Variants in SI observed in about 807,000 individuals in gnomAD.
The protein encoded by SI is sucrase-isomaltase.
SI carries 235 observed loss-of-function variants against 253.3 expected under a neutral mutation model. The ratio of observed to expected loss-of-function variants is 0.93; its 90% CI spans 0.83 to 1.03. SI has a LOEUF of 1.03. Among genes scored for constraint, SI ranks in the 50% least tolerant of loss-of-function variants. The pLI is 0.00. For synonymous variants in SI, 819 were observed against 712.0 expected (o/e 1.15, Z -2.39); for missense variants, 2,442 against 2,211.1 (o/e 1.10, Z -2.09).
At chr3:164,990,990 T>A (rs1368515035) in intron 44 of SI, among the ~76,000 whole-genome samples, 2 of 137,584 alleles carry the variant, frequency 1.5e-5, no homozygotes, top group African/African-American at 7.2e-5. Flanking sequence ...AAGATAATAT[T>A]TTTTTTGAAG....
At chr3:165,013,396 A>C (rs994292144) in intron 33 of SI, among the ~76,000 whole-genome samples, 5 of 152,082 alleles carry the variant, frequency 3.3e-5, no homozygotes, top group African/African-American at 1.2e-4. Flanking sequence ...TTGTAGAATT[A>C]CTCCAGGGTT....
rs1712678871 is a variant in SI, at chr3:165,039,018, A to G, written c.2301+60T>C. 11 of 1,065,042 alleles carry G rather than the reference A, an allele frequency of 1.0e-5. No individual in the cohort carries two copies. In the South Asian group the frequency reaches 1.2e-4, roughly 11 times the overall value. 66.0% of individuals were successfully genotyped at this position (1,065,042 alleles called of 1,614,324 possible). ...TAAGTTTCTATGGAATTAAGTTTCT[A>G]TGTAGAAGTGTTTGAAAATATAATA... On this transcript the variant is annotated intron_variant, in intron 20 of 47. Transcript: ENST00000264382.
chr3:165,039,454 T>G (rs926403679), intron 19 of SI, among the ~76,000 whole-genome samples: 3 of 152,108 alleles, frequency 2.0e-5, no homozygotes, highest in Non-Finnish European at 2.9e-5. Context: ...AATGGACACA[T>G]GCACCTTTTA....
intron 44 of SI, among the ~76,000 whole-genome samples, chr3:164,989,451 AG>A: frequency 6.7e-6 from 1 of 148,730 alleles, no homozygotes; most frequent in African/African-American, 2.4e-5. Context: ...GAAAGAAGAG[AG>A]GAGAGGAGAG....
At chr3:164,997,567 T>A (rs940790661) in intron 38 of SI, among the ~76,000 whole-genome samples, 1 of 151,658 alleles carries the variant, frequency 6.6e-6, no homozygotes, top group Non-Finnish European at 1.5e-5. Context: ...AGGGGTTTTG[T>A]GTACAGATTA....
intron 41 of SI, 61 bp downstream of exon 41, chr3:164,994,196 A>G: frequency 6.9e-7 from 1 of 1,449,804 alleles, no homozygotes; most frequent in South Asian, 1.1e-5. Context: ...ATAAGAGATC[A>G]TTGGGTAAAT....
Position 165,020,452 on chromosome 3 carries a change from T to C in SI, c.3255-682A>G, listed in dbSNP as rs552712360. Among the ~76,000 whole-genome samples the C allele has an allele frequency of 4.6e-5, 7 of 151,750 alleles. No homozygotes were observed. In the South Asian group the frequency reaches 1.4e-3, roughly 31 times the overall value. On this transcript the variant is annotated intron_variant, in intron 27 of 47. Coordinates refer to ENST00000264382, the MANE Select transcript of SI (RefSeq NM_001041.4). ...TTATATTTATTATTTTGGAAAACTA[T>C]TTAATCGAGAATAATGCTTGTCAAA...
At chr3:165,026,208 A>G (rs1711911165) in intron 25 of SI, among the ~76,000 whole-genome samples, 1 of 151,456 alleles carries the variant, frequency 6.6e-6, no homozygotes. Context: ...AACAAACTTT[A>G]AAGCAACAGC....
chr3:165,058,887 C>CACACACACAA, intron 12 of SI, 76 bp downstream of exon 12: 1 of 1,224,656 alleles, frequency 8.2e-7, no homozygotes. Context: ...CACACACACA[C>CACACACACAA]GCACATCCAC....
At chr3:165,078,740 C>A (rs1715162671), upstream of SI, among the ~76,000 whole-genome samples, 1 of 151,326 alleles carries the variant, frequency 6.6e-6, no homozygotes. Flanking sequence ...AAAAGTAGTT[C>A]TTTCTATTTT....
chr3:165,070,358 ATATATATGTG>A (rs1312971453), intron 3 of SI, among the ~76,000 whole-genome samples: 9 of 142,740 alleles, frequency 6.3e-5, no homozygotes, highest in Non-Finnish European at 9.1e-5. Flanking sequence ...ATATATATAT[ATATATATGTG>A]TGTGTGTGTG....
At chr3:165,027,635 G>A in intron 25 of SI, among the ~76,000 whole-genome samples, 1 of 151,446 alleles carries the variant, frequency 6.6e-6, no homozygotes, top group Non-Finnish European at 1.5e-5. Flanking sequence ...TTTCATACTA[G>A]GGATACGGGG....
rs963676493 is a variant in SI, at chr3:164,987,338, A to C, written c.5109-112T>G. On this transcript the variant is annotated intron_variant, in intron 44 of 47. Coordinates refer to ENST00000264382, the MANE Select transcript of SI (RefSeq NM_001041.4). ...GGAACCCAAGCATTAAGGAGTGTGCAAACTGACTTAGACTAAGAAAATTAA... is the reference window on the plus strand; with the variant it reads ...GGAACCCAAGCATTAAGGAGTGTGCCAACTGACTTAGACTAAGAAAATTAA... 1.2e-5 allele frequency: 10 copies of C among 827,666 alleles called. No individual in the cohort carries two copies. In the African/African-American group the frequency reaches 1.7e-4, roughly 14 times the overall value. The allele number at this position is 827,666 out of a possible 1,614,324, so 51.3% of individuals were successfully genotyped here.
In SI at chr3:165,036,388, C is replaced by A. The variant is rs758006950; in HGVS notation, c.2515+1G>T. 6.2e-7 allele frequency: 1 copy of A among 1,601,652 alleles called. No individual in the cohort carries two copies. Among genetic ancestry groups the A allele is most frequent in the South Asian group, 1.1e-5 (1 of 90,846 alleles). On this transcript the variant is annotated splice_donor_variant, in intron 22 of 47. Coordinates refer to ENST00000264382, the MANE Select transcript of SI (RefSeq NM_001041.4). LOFTEE classifies it high-confidence loss of function. The stretch of plus-strand genomic sequence containing the variant: ...TTAAAGCGTATTACTTTCAGACTTA[C>A]CTTTAGTTTCTCCATCATCCCAGAA...
chr3:165,025,588 G>A (rs1293956690), intron 25 of SI, among the ~76,000 whole-genome samples: 2 of 151,118 alleles, frequency 1.3e-5, no homozygotes, highest in Non-Finnish European at 3.0e-5. Flanking sequence ...AAAATCTTAA[G>A]AGCTGTGAGG....
chr3:165,063,625 T>C, intron 7 of SI, 84 bp from the exon 8 acceptor site: 1 of 664,584 alleles, frequency 1.5e-6, no homozygotes, highest in Admixed American at 2.3e-5. Context: ...TCTTCATGAA[T>C]TAATTTGTTG....
intron 15 of SI, among the ~76,000 whole-genome samples, chr3:165,048,864 G>T (rs925630874): frequency 1.3e-5 from 2 of 151,948 alleles, no homozygotes; most frequent in Non-Finnish European, 2.9e-5. Context: ...TGTTGTGCCT[G>T]CCTCGGCCTC....
At chr3:165,000,182 C>T (rs1474235579) in intron 37 of SI, among the ~76,000 whole-genome samples, 4 of 151,264 alleles carry the variant, frequency 2.6e-5, no homozygotes, top group Admixed American at 2.0e-4. Context: ...AAATTCTTCA[C>T]GTGTTCACAT....
Position 165,058,987 on chromosome 3 carries a change from A to T in SI, c.1374T>A (p.Asp458Glu), listed in dbSNP as rs1202929791. Residue 458 changes from aspartate (D) to glutamate (E), a missense_variant, in exon 12 of 48, where the codon GAT becomes GAA. Asp to Glu is a conservative substitution (Grantham distance 45). Coordinates refer to ENST00000264382, the MANE Select transcript of SI (RefSeq NM_001041.4). ...CCTCTCCAATAATTGGTGTACTTCCATCTGACTCATTTATCCACACATGTT... is the reference window on the plus strand; with the variant it reads ...CCTCTCCAATAATTGGTGTACTTCCTTCTGACTCATTTATCCACACATGTT... ...NTQHVWINES[D>E]GSTPIIGEVW... 6 of 1,611,848 alleles carry T rather than the reference A, an allele frequency of 3.7e-6. No individual in the cohort carries two copies. The South Asian group carries it at 6.6e-5, about 18-fold the overall frequency.
Sources: gnomAD v4.1 joint callset for allele counts (sites outside exome capture counted in the v4.1 genomes callset) on GRCh38, gnomAD v4.1.1 for gene constraint, MANE v1.5 for transcripts, NCBI Gene and HGNC (gene_info 2026-07-23, HGNC 2026-07-21) for gene names.